The following TBX15 variants were observed in gnomAD, a reference collection of about 807,000 sequenced individuals.
TBX15 encodes T-box transcription factor TBX15.
In TBX15, 18 loss-of-function variants were observed where a neutral mutation model predicts 53.9. That is an observed-to-expected ratio of 0.33 (90% CI 0.23 to 0.49). TBX15 has a LOEUF of 0.49. TBX15 is among the 20% of genes least tolerant of loss of function. The pLI, the probability that TBX15 is intolerant of heterozygous loss-of-function variation, is 0.98. For missense variants in TBX15, 692 were observed against 749.5 expected, an observed-to-expected ratio of 0.92 and a Z score of 0.90; for synonymous variants, 295 against 278.0, an observed-to-expected ratio of 1.06 and a Z score of -0.61.
At chr1:118,934,736 A>G (rs1451183274) in intron 1 of TBX15, among the ~76,000 whole-genome samples, 1 of 152,222 alleles carries the variant, frequency 6.6e-6, no homozygotes, top group Non-Finnish European at 1.5e-5. Context: ...AGTCCAGAAG[A>G]GAAAGAGATC....
rs185043480 is a variant in TBX15, at chr1:118,888,175, G to A, written c.1025-2659C>T. Among the ~76,000 whole-genome samples, 18 of 152,182 alleles carry A rather than the reference G, an allele frequency of 1.2e-4. No individual in the cohort carries two copies. The East Asian group carries it at 2.9e-3, about 24-fold the overall frequency. On this transcript the variant is annotated intron_variant, in intron 7 of 7. Coordinates refer to ENST00000369429, the MANE Select transcript of TBX15 (RefSeq NM_001330677.2). Reference sequence around the variant, plus strand: ...ACAGCAGCTGGCCATGTCGGAAAGAGCCCTGAGCCTGATTCTAGGCCTATT... The same window carrying A: ...ACAGCAGCTGGCCATGTCGGAAAGAACCCTGAGCCTGATTCTAGGCCTATT...
At position 118,915,146 on chromosome 1, in the gene TBX15, T is replaced by G. The variant is rs1306325506; in HGVS notation, c.862-967A>C. Among the ~76,000 whole-genome samples, 6 of 152,274 alleles carry G rather than the reference T, an allele frequency of 3.9e-5. No homozygotes were observed. The East Asian group carries it at 1.2e-3, about 29-fold the overall frequency. ...TGTGTCTGAATTGTTAATGACTCAC[T>G]ACATGCAAGCAATGGAGACTTAGGC... On this transcript the variant is annotated intron_variant, in intron 5 of 7. Coordinates refer to ENST00000369429, the MANE Select transcript of TBX15 (RefSeq NM_001330677.2).
intron 5 of TBX15, among the ~76,000 whole-genome samples, chr1:118,917,071 A>T (rs1028297217): frequency 1.3e-5 from 2 of 152,206 alleles, no homozygotes; most frequent in African/African-American, 2.4e-5. Context: ...ATTACTGGAT[A>T]TATACCCAAA....
intron 1 of TBX15, among the ~76,000 whole-genome samples, chr1:118,968,214 T>C (rs1279228038): frequency 6.6e-6 from 1 of 152,154 alleles, no homozygotes; most frequent in Non-Finnish European, 1.5e-5. Context: ...CGGAGGACTT[T>C]TTCTTTTTTT....
At chr1:118,917,920 T>A (rs1655301488) in intron 5 of TBX15, among the ~76,000 whole-genome samples, 1 of 152,190 alleles carries the variant, frequency 6.6e-6, no homozygotes, top group South Asian at 2.1e-4. Context: ...CTCCCTTGCC[T>A]TGATCCACAG....
intron 1 of TBX15, among the ~76,000 whole-genome samples, chr1:118,946,622 A>T (rs1181040660): frequency 6.6e-6 from 1 of 152,186 alleles, no homozygotes; most frequent in Non-Finnish European, 1.5e-5. Flanking sequence ...CTTAATAAAA[A>T]TATATTTTAT....
At chr1:118,905,439 C>T (rs1779425) in intron 6 of TBX15, among the ~76,000 whole-genome samples, 10,557 of 152,138 alleles carry the variant, frequency 0.069, 1,049 homozygotes, top group African/African-American at 0.22. Flanking sequence ...CAAGGGAGGG[C>T]GAACAAATAA....
At chr1:118,965,816 T>G (rs894332789) in intron 1 of TBX15, among the ~76,000 whole-genome samples, 1 of 152,204 alleles carries the variant, frequency 6.6e-6, no homozygotes, top group Non-Finnish European at 1.5e-5. Flanking sequence ...AATTATAAAG[T>G]CTAAAGTACT....
At chr1:118,945,962 T>A (rs924386901) in intron 1 of TBX15, among the ~76,000 whole-genome samples, 24 of 152,236 alleles carry the variant, frequency 1.6e-4, no homozygotes, top group Non-Finnish European at 1.0e-4. Flanking sequence ...TTACTTTATA[T>A]ACATATTCTA....
intron 2 of TBX15, among the ~76,000 whole-genome samples, chr1:118,930,032 G>T (rs1398604363): frequency 6.6e-6 from 1 of 152,106 alleles, no homozygotes; most frequent in Non-Finnish European, 1.5e-5. Context: ...CAGTTATCCA[G>T]CCCATCTTCT....
chr1:118,949,953 A>T (rs1656463780), intron 1 of TBX15, among the ~76,000 whole-genome samples: 1 of 152,248 alleles, frequency 6.6e-6, no homozygotes, highest in Admixed American at 6.5e-5. Flanking sequence ...TGTAGCCATC[A>T]TCCAATCCAG....
chr1:118,960,211 G>A (rs1656822229), intron 1 of TBX15, among the ~76,000 whole-genome samples: 1 of 152,170 alleles, frequency 6.6e-6, no homozygotes. Flanking sequence ...ATCTTGCTGT[G>A]TTTATGGGCC....
chr1:118,928,466 A>C (rs1239413771), intron 2 of TBX15, among the ~76,000 whole-genome samples: 1 of 152,218 alleles, frequency 6.6e-6, no homozygotes, highest in East Asian at 1.9e-4. Flanking sequence ...TAGGTTAGGC[A>C]CTTTAATTTG....
At chr1:118,960,262 C>T (rs949036179) in intron 1 of TBX15, among the ~76,000 whole-genome samples, 2 of 152,158 alleles carry the variant, frequency 1.3e-5, no homozygotes, top group Non-Finnish European at 2.9e-5. Context: ...TAGGCTTGCA[C>T]TGGAAAACTT....
At chr1:118,889,377 G>T (rs1262413400) in intron 7 of TBX15, among the ~76,000 whole-genome samples, 1 of 152,190 alleles carries the variant, frequency 6.6e-6, no homozygotes, top group Non-Finnish European at 1.5e-5. Flanking sequence ...CATCCTCTTT[G>T]ATCATTTACA....
chr1:118,940,056 T>TG (rs1656118882), intron 1 of TBX15, among the ~76,000 whole-genome samples: 1 of 151,980 alleles, frequency 6.6e-6, no homozygotes, highest in Non-Finnish European at 1.5e-5. Flanking sequence ...TTATACTCTG[T>TG]TGCCCATTTT....
chr1:118,920,940 C>T (rs143759477), intron 5 of TBX15, among the ~76,000 whole-genome samples: 90 of 151,958 alleles, frequency 5.9e-4, no homozygotes, highest in African/African-American at 2.1e-3. Context: ...TTTGGGAGGC[C>T]GAGGTGGGAG....
At position 118,893,529 on chromosome 1, in the gene TBX15, G is replaced by GAAA. The variant is rs1571150621; in HGVS notation, c.1024+5498_1024+5499insTTT. On this transcript the variant is annotated intron_variant, in intron 7 of 7. Coordinates refer to ENST00000369429, the MANE Select transcript of TBX15 (RefSeq NM_001330677.2). ...AAGAAAGAAAGAAAGAAAGAAAGAA[G>GAAA]GAAAGAAAGATGGAAGGAAGGAAGG... 4.4e-4 allele frequency among the ~76,000 whole-genome samples: 21 copies of GAAA among 47,762 alleles called. 2 individuals carry two copies. In the South Asian group the frequency reaches 7.1e-3, roughly 16 times the overall value. 31.3% of individuals were successfully genotyped at this position (47,762 alleles called of 152,430 possible).
chr1:118,931,848 T>G lies in TBX15; in HGVS notation c.206-16A>C. The G allele has an allele frequency of 6.4e-7, 1 of 1,555,158 alleles. No individual in the cohort carries two copies. The highest frequency in any genetic ancestry group is 8.7e-7 in the Non-Finnish European group (1 of 1,148,902). On this transcript the variant is annotated splice_polypyrimidine_tract_variant and intron_variant, in intron 1 of 7. Coordinates refer to ENST00000369429, the MANE Select transcript of TBX15 (RefSeq NM_001330677.2). The stretch of plus-strand genomic sequence containing the variant: ...TGCTCAGAATCTGCAAAATAAACAA[T>G]CAAGCCTTAGGTGAGAAACTGCTGA...
Sources: allele counts gnomAD v4.1 joint callset (sites outside exome capture counted in the v4.1 genomes callset), GRCh38; gene constraint gnomAD v4.1.1; transcripts MANE v1.5; gene names NCBI Gene and HGNC (gene_info 2026-07-23, HGNC 2026-07-21).